ZNF500: variants seen among roughly 807,000 people sequenced by gnomAD.
ZNF500 encodes the protein zinc finger protein with KRAB and SCAN domains 18.
In ZNF500, 31 loss-of-function variants were observed where a neutral mutation model predicts 30.1. The ratio of observed to expected loss-of-function variants is 1.03; its 90% CI spans 0.77 to 1.39. The LOEUF (loss-of-function observed/expected upper bound fraction) is 1.39, where lower values mean the gene tolerates loss of function less well. Ranked by LOEUF, ZNF500 falls within the 40% of genes most tolerant of loss-of-function variation. The pLI is 0.00. For synonymous variants in ZNF500, 392 were observed against 282.0 expected, an observed-to-expected ratio of 1.39 and a Z score of -3.91; for missense variants, 817 against 657.8, an observed-to-expected ratio of 1.24 and a Z score of -2.65.
At position 4,766,010 on chromosome 16, in the gene ZNF500, C is replaced by T. The variant is rs778747777; in HGVS notation, c.-32G>A. 15 of 1,518,690 alleles carry T rather than the reference C, an allele frequency of 9.9e-6. No individual in the cohort carries two copies. The highest frequency in any genetic ancestry group is 1.3e-5 in the Non-Finnish European group (15 of 1,140,738). The allele number at this position is 1,518,690 out of a possible 1,614,324, so 94.1% of individuals were successfully genotyped here. On this transcript the variant is annotated 5_prime_UTR_variant, in exon 2 of 6. Coordinates refer to ENST00000219478, the MANE Select transcript of ZNF500 (RefSeq NM_021646.4). ...CGGTGGGCCTTGTTCCTTTTCAGGC[C>T]TTAGAGTTGAACCTGTCTCTCTCTA...
Position 4,760,530 on chromosome 16 carries a change from A to G in ZNF500, c.722T>C (p.Met241Thr). The G allele has an allele frequency of 1.2e-6, 2 of 1,613,786 alleles. No individual in the cohort carries two copies. The highest frequency in any genetic ancestry group is 1.7e-6 in the Non-Finnish European group (2 of 1,179,850). Reference sequence around the variant, plus strand: ...CGGCGCGTCCCGCTGAGCTGGGTCCATGCATCTTGGCTCCTCCCCAGAAAG... The same window carrying G: ...CGGCGCGTCCCGCTGAGCTGGGTCCGTGCATCTTGGCTCCTCCCCAGAAAG... ...VYLSGEEPRCMDPAQRDAPLE... is the reference protein window; with the variant it reads ...VYLSGEEPRCTDPAQRDAPLE... The change falls in exon 5 of 6, where the codon ATG becomes ACG. Residue 241 changes from methionine (M) to threonine (T), a missense_variant. Transcript: ENST00000219478.
rs539637838 is a variant in ZNF500, at chr16:4,767,146, G to T, written c.-228C>A. 6.6e-6 allele frequency: 1 copy of T among 152,314 alleles called. No individual in the cohort carries two copies. The highest frequency in any genetic ancestry group is 1.5e-5 in the Non-Finnish European group (1 of 68,086). The allele number at this position is 152,314 out of a possible 1,614,324, so 9.4% of individuals were successfully genotyped here. ...CCGGGGCCGAAGACCCTAAACCAGG[G>T]GTGCAAACCAGGCCGTGCGGGTGGG... On this transcript the variant is annotated 5_prime_UTR_variant, in exon 1 of 6. Transcript: ENST00000219478.
intron 2 of ZNF500, among the ~76,000 whole-genome samples, chr16:4,765,016 T>C (rs115752086): frequency 6.6e-6 from 1 of 150,952 alleles, no homozygotes; most frequent in African/African-American, 2.4e-5. Context: ...AAACCTATGT[T>C]TGGGGCTGGC....
At position 4,765,993 on chromosome 16, in the gene ZNF500, C is replaced by T; in HGVS notation, c.-15G>A. 1 of 1,533,602 alleles carries T rather than the reference C, an allele frequency of 6.5e-7. No homozygotes were observed. The highest frequency in any genetic ancestry group is 8.7e-7 in the Non-Finnish European group (1 of 1,146,260). 95.0% of individuals were successfully genotyped at this position (1,533,602 alleles called of 1,614,324 possible). ...ACAGTGGCCATTGCTTCCGGTGGGC[C>T]TTGTTCCTTTTCAGGCCTTAGAGTT... is the stretch of plus-strand genomic sequence containing the variant. On this transcript the variant is annotated 5_prime_UTR_variant, in exon 2 of 6. Transcript: ENST00000219478.
intron 5 of ZNF500, 130 bp from the exon 6 acceptor site, chr16:4,753,188 C>T (rs534989512): frequency 1.8e-5 from 25 of 1,413,434 alleles, no homozygotes; most frequent in African/African-American, 1.4e-4. Context: ...GGGCTGGGCA[C>T]TGTGGCTCAC....
Position 4,752,044 on chromosome 16 carries a change from G to A in ZNF500, c.*332C>T. The A allele has an allele frequency of 1.6e-6, 2 of 1,280,648 alleles. No individual in the cohort carries two copies. The allele number at this position is 1,280,648 out of a possible 1,614,324, so 79.3% of individuals were successfully genotyped here. ...CCACTGGATGCTGGAGGCAGCTGAT[G>A]GACCCTCCCAGGCCCTTCAGGAGCC... On this transcript the variant is annotated 3_prime_UTR_variant, in exon 6 of 6. Coordinates refer to ENST00000219478, the MANE Select transcript of ZNF500 (RefSeq NM_021646.4).
Position 4,766,005 on chromosome 16 carries a change from C to A in ZNF500, c.-27G>T, listed in dbSNP as rs1321872323. ...GCTTCCGGTGGGCCTTGTTCCTTTT[C>A]AGGCCTTAGAGTTGAACCTGTCTCT... is the stretch of plus-strand genomic sequence containing the variant. On this transcript the variant is annotated 5_prime_UTR_variant, in exon 2 of 6. Transcript: ENST00000219478. 1.3e-6 allele frequency: 2 copies of A among 1,524,382 alleles called. No individual in the cohort carries two copies. Among genetic ancestry groups the A allele is most frequent in the Non-Finnish European group, 8.7e-7 (1 of 1,143,202 alleles). 94.4% of individuals were successfully genotyped at this position (1,524,382 alleles called of 1,614,324 possible).
downstream of ZNF500, chr16:4,747,345 C>T (rs1216442281): frequency 1.3e-6 from 2 of 1,574,146 alleles, no homozygotes; most frequent in South Asian, 1.2e-5. Flanking sequence ...TGTCACAGGA[C>T]CTGTACCGGG....
chr16:4,757,865 G>A (rs1037936081), intron 5 of ZNF500, among the ~76,000 whole-genome samples: 1 of 149,170 alleles, frequency 6.7e-6, no homozygotes, highest in South Asian at 2.1e-4. Flanking sequence ...GCCTCTGGAA[G>A]TGCTGGGATT....
Position 4,762,321 on chromosome 16 carries a change from G to T in ZNF500, c.613C>A (p.Arg205=), listed in dbSNP as rs144731189. ...GAGGCTGACGCCATCTCCTGATGCC[G>T]GGGAGCTGGAGGGCCTGGGAAGGAG... ...LWPERGPPAP[R]HQEMASASPF... is the part of the protein sequence containing the mutation. The change falls in exon 4 of 6, where the codon CGG becomes AGG. Residue 205 remains arginine (R), a synonymous_variant. Transcript: ENST00000219478. 2 of 1,608,506 alleles carry T rather than the reference G, an allele frequency of 1.2e-6. No homozygotes were observed. Among genetic ancestry groups the T allele is most frequent in the African/African-American group, 2.7e-5 (2 of 74,892 alleles).
At chr16:4,747,771 C>T (rs1332327484), downstream of ZNF500, 5 of 1,064,432 alleles carry the variant, frequency 4.7e-6, no homozygotes, top group African/African-American at 6.6e-5. Flanking sequence ...GGACTGTTGC[C>T]CACCCTGTTA....
In ZNF500 at chr16:4,753,338, T is replaced by C; in HGVS notation, c.761-280A>G. On this transcript the variant is annotated intron_variant, in intron 5 of 5. Coordinates refer to ENST00000219478, the MANE Select transcript of ZNF500 (RefSeq NM_021646.4). ...CTAGCTGGGCATGGTGGCGTGTGCC[T>C]GTAGTCCTAGCTACTCAGGAGGCTG... 6.3e-6 allele frequency: 3 copies of C among 478,666 alleles called. No individual in the cohort carries two copies. The South Asian group carries it at 1.6e-4, about 25-fold the overall frequency. The allele number at this position is 478,666 out of a possible 1,614,324, so 29.7% of individuals were successfully genotyped here. A position where few individuals can be genotyped will look rare whatever the true frequency, so the allele number is the denominator to read the frequency against.
At position 4,751,342 on chromosome 16, in the gene ZNF500, G is replaced by T; in HGVS notation, c.*1034C>A. 1 of 506,232 alleles carries T rather than the reference G, an allele frequency of 2.0e-6. No individual in the cohort carries two copies. The highest frequency in any genetic ancestry group is 3.5e-5 in the East Asian group (1 of 28,480). The allele number at this position is 506,232 out of a possible 1,614,324, so 31.4% of individuals were successfully genotyped here. On this transcript the variant is annotated 3_prime_UTR_variant, in exon 6 of 6. Coordinates refer to ENST00000219478, the MANE Select transcript of ZNF500 (RefSeq NM_021646.4). ...GGCAACCGTGGAAGGCCACATTCCA[G>T]ACACTAAGGGGCCAGGAGCAAACGC...
downstream of ZNF500, among the ~76,000 whole-genome samples, chr16:4,744,256 C>G (rs2081985388): frequency 6.6e-6 from 1 of 152,180 alleles, no homozygotes; most frequent in Non-Finnish European, 1.5e-5. Context: ...TTTAAAGGCA[C>G]ATAACCCTTT....
chr16:4,757,737 G>A (rs1437284186), intron 5 of ZNF500, among the ~76,000 whole-genome samples: 1 of 151,506 alleles, frequency 6.6e-6, no homozygotes. Flanking sequence ...CGAGTACCTG[G>A]GACTACAGAT....
intron 4 of ZNF500, among the ~76,000 whole-genome samples, chr16:4,761,743 C>G (rs558905842): frequency 6.7e-6 from 1 of 149,738 alleles, no homozygotes; most frequent in African/African-American, 2.5e-5. Context: ...GTAGTCCCAA[C>G]TAACTGAGGA....
chr16:4,750,252 C>G lies in ZNF500; in HGVS notation c.*2124G>C, dbSNP rs1047162872. 1 of 152,310 alleles carries G rather than the reference C, an allele frequency of 6.6e-6. No homozygotes were observed. Among genetic ancestry groups the G allele is most frequent in the African/African-American group, 2.4e-5 (1 of 41,436 alleles). 9.4% of individuals were successfully genotyped at this position (152,310 alleles called of 1,614,324 possible). On this transcript the variant is annotated 3_prime_UTR_variant, in exon 6 of 6. Coordinates refer to ENST00000219478, the MANE Select transcript of ZNF500 (RefSeq NM_021646.4). ...CAGAGCTAGTCTAGAAGGTAAAAGC[C>G]GTCCCTCAACCAGGCAGCCCCATTC...
rs1393434935 is a variant in ZNF500, at chr16:4,752,936, G to T, written c.883C>A (p.Pro295Thr). The change falls in exon 6 of 6, where the codon CCA becomes ACA. Residue 295 changes from proline to threonine, a missense_variant. Pro to Thr is a conservative substitution (Grantham distance 38). Transcript: ENST00000219478. ...GPGHPLPGQR[P>T]APVRGLVRPD... ...CTGACCAAGCCCCTGACTGGGGCTG[G>T]CCTCTGACCTGGGAGCGGGTGGCCA... The T allele has an allele frequency of 2.5e-6, 4 of 1,612,494 alleles. No homozygotes were observed. The highest frequency in any genetic ancestry group is 1.1e-5 in the South Asian group (1 of 91,074).
chr16:4,750,592 G>A lies in ZNF500; in HGVS notation c.*1784C>T, dbSNP rs1309345909. The stretch of plus-strand genomic sequence containing the variant: ...CAACCTCCGCCTCCCTGGTTCAAGT[G>A]ATTCTCTTGCCTCAGCTTCCCGAGT... On this transcript the variant is annotated 3_prime_UTR_variant, in exon 6 of 6. Coordinates refer to ENST00000219478, the MANE Select transcript of ZNF500 (RefSeq NM_021646.4). 13 of 151,762 alleles carry A rather than the reference G, an allele frequency of 8.6e-5. No homozygotes were observed. The highest frequency in any genetic ancestry group is 2.9e-4 in the African/African-American group (12 of 41,228). 9.4% of individuals were successfully genotyped at this position (151,762 alleles called of 1,614,324 possible). A position where few individuals can be genotyped will look rare whatever the true frequency, so the allele number is the denominator to read the frequency against.
Sources: allele counts gnomAD v4.1 joint callset (sites outside exome capture counted in the v4.1 genomes callset), GRCh38; gene constraint gnomAD v4.1.1; transcripts MANE v1.5; gene names NCBI Gene and HGNC (gene_info 2026-07-23, HGNC 2026-07-21).